The following NRXN3 variants were observed in gnomAD, a reference collection of about 807,000 sequenced individuals.
The protein encoded by NRXN3 is neurexin 3.
NRXN3 carries 32 observed loss-of-function variants against 137.6 expected under a neutral mutation model. The observed-to-expected ratio is 0.23, with a 90% CI of 0.18 to 0.31. The LOEUF (loss-of-function observed/expected upper bound fraction) is 0.31, where lower values mean the gene tolerates loss of function less well. Ranked by LOEUF, NRXN3 falls within the 10% of genes least tolerant of loss-of-function variation. The probability of loss-of-function intolerance (pLI) is 1.00; values close to 1 mark genes in which losing one functional copy is unlikely to be tolerated. For missense variants in NRXN3, 1,574 were observed against 2,062.5 expected (o/e 0.76, Z 4.59); for synonymous variants, 798 against 784.5 (o/e 1.02, Z -0.29).
rs368245400 is a variant in NRXN3 at position 78,274,165 on chromosome 14, G to A, written c.710-4480G>A. Among the ~76,000 whole-genome samples the A allele has an allele frequency of 5.3e-5, 8 of 152,204 alleles. 1 individual carries two copies. In the South Asian group the frequency reaches 1.7e-3, roughly 32 times the overall value. ...TGCAAGTGCAATAGTGGTGAATGAT[G>A]GGCCCTTTCTTTTCCTCCCAATGGT... On this transcript the variant is annotated intron_variant, in intron 2 of 20. Transcript: ENST00000335750.
At chr14:79,248,229 C>T (rs11627269) in intron 15 of NRXN3, among the ~76,000 whole-genome samples, 42,408 of 152,064 alleles carry the variant, frequency 0.28, 6,855 homozygotes, top group Admixed American at 0.43. Flanking sequence ...TATGATTTTC[C>T]AGGCCCTTCT....
At chr14:79,359,785 A>G (rs1186178235) in intron 15 of NRXN3, among the ~76,000 whole-genome samples, 1 of 152,018 alleles carries the variant, frequency 6.6e-6, no homozygotes, top group Non-Finnish European at 1.5e-5. Context: ...TGAGCAGAGC[A>G]ATAACTCTGT....
At chr14:78,813,457 T>G (rs1356303392) in intron 10 of NRXN3, among the ~76,000 whole-genome samples, 1 of 152,194 alleles carries the variant, frequency 6.6e-6, no homozygotes, top group Admixed American at 6.5e-5. Flanking sequence ...CCTTACCTCT[T>G]GCTGCTATTT....
At position 78,736,282 on chromosome 14, in the gene NRXN3, G is replaced by C. The variant is rs926860030; in HGVS notation, c.2044+21143G>C. Among the ~76,000 whole-genome samples, 12 of 152,198 alleles carry C rather than the reference G, an allele frequency of 7.9e-5. No individual in the cohort carries two copies. The South Asian group carries it at 8.3e-4, about 11-fold the overall frequency. On this transcript the variant is annotated intron_variant, in intron 8 of 20. Transcript: ENST00000335750. ...CAAGATGTAGTTAAAAGGCAAGATG[G>C]TGTGATGGATAGACTGTAGGTTTTG...
chr14:78,943,161 TAGAC>T (rs1464423524), intron 10 of NRXN3, among the ~76,000 whole-genome samples: 1 of 152,034 alleles, frequency 6.6e-6, no homozygotes, highest in African/African-American at 2.4e-5. Context: ...AGTTAAGTAA[TAGAC>T]AGGGGAAGAG....
chr14:79,381,842 G>A (rs1316127247), intron 15 of NRXN3, among the ~76,000 whole-genome samples: 1 of 152,058 alleles, frequency 6.6e-6, no homozygotes, highest in African/African-American at 2.4e-5. Flanking sequence ...CTAGCAAATG[G>A]TTTCTCCATG....
At chr14:79,451,427 TTA>T (rs1220415478) in intron 15 of NRXN3, among the ~76,000 whole-genome samples, 2 of 152,182 alleles carry the variant, frequency 1.3e-5, no homozygotes, top group Non-Finnish European at 2.9e-5. Flanking sequence ...TCCTAAAAGT[TTA>T]TGAGTTTAGG....
intron 19 of NRXN3, among the ~76,000 whole-genome samples, chr14:79,726,137 A>AT (rs969644928): frequency 1.7e-4 from 26 of 151,992 alleles, no homozygotes; most frequent in African/African-American, 2.9e-4. Context: ...ACTTAGGCTA[A>AT]TTTTTTTTGT....
At chr14:79,251,711 C>T (rs745406879) in intron 15 of NRXN3, among the ~76,000 whole-genome samples, 18 of 152,114 alleles carry the variant, frequency 1.2e-4, no homozygotes, top group African/African-American at 2.9e-4. Flanking sequence ...TTTTAAGTGA[C>T]GGGTGATAGG....
intron 16 of NRXN3, among the ~76,000 whole-genome samples, chr14:79,550,880 A>G (rs1454780929): frequency 1.3e-5 from 2 of 152,230 alleles, no homozygotes; most frequent in Admixed American, 6.5e-5. Context: ...TAATATTTAT[A>G]AAGCATTTAA....
chr14:78,434,036 C>G (rs2093979872), intron 4 of NRXN3, among the ~76,000 whole-genome samples: 1 of 152,186 alleles, frequency 6.6e-6, no homozygotes, highest in Non-Finnish European at 1.5e-5. Flanking sequence ...TAAACATGCT[C>G]AGAACCCTTA....
intron 1 of NRXN3, among the ~76,000 whole-genome samples, chr14:78,182,348 G>A (rs961004219): frequency 9.2e-5 from 14 of 152,126 alleles, no homozygotes; most frequent in African/African-American, 2.9e-4. Flanking sequence ...CCACCGAGAT[G>A]TTTTTGCTGA....
intron 4 of NRXN3, among the ~76,000 whole-genome samples, chr14:78,516,719 G>C (rs1439886305): frequency 6.6e-6 from 1 of 152,100 alleles, no homozygotes; most frequent in Non-Finnish European, 1.5e-5. Flanking sequence ...CAAATGCCTA[G>C]TTGAGTTCTC....
chr14:79,419,606 G>T (rs1029015765), intron 15 of NRXN3, among the ~76,000 whole-genome samples: 7 of 151,720 alleles, frequency 4.6e-5, no homozygotes, highest in Non-Finnish European at 8.8e-5. Context: ...TTTAAAGAGG[G>T]GAGAGAGAGA....
At chr14:78,398,514 A>T (rs2091739341) in intron 4 of NRXN3, among the ~76,000 whole-genome samples, 1 of 152,116 alleles carries the variant, frequency 6.6e-6, no homozygotes, top group South Asian at 2.1e-4. Context: ...ATATTGACAC[A>T]TGAGGGTGGG....
chr14:78,725,691 G>A (rs2098479813), intron 8 of NRXN3, among the ~76,000 whole-genome samples: 2 of 152,160 alleles, frequency 1.3e-5, no homozygotes, highest in Non-Finnish European at 2.9e-5. Context: ...ATTGTGGGGG[G>A]TGACTCTTTT....
chr14:78,886,904 A>G (rs2099145469), intron 10 of NRXN3, among the ~76,000 whole-genome samples: 1 of 152,150 alleles, frequency 6.6e-6, no homozygotes, highest in African/African-American at 2.4e-5. Flanking sequence ...GCTGTGAATC[A>G]TACCATAACC....
chr14:78,839,784 C>A (rs1435960347), intron 10 of NRXN3, among the ~76,000 whole-genome samples: 1 of 152,164 alleles, frequency 6.6e-6, no homozygotes, highest in Non-Finnish European at 1.5e-5. Context: ...CTGGAGGGTT[C>A]CACAAGAATA....
intron 15 of NRXN3, among the ~76,000 whole-genome samples, chr14:78,992,001 A>G (rs1026495194): frequency 3.3e-5 from 5 of 152,192 alleles, no homozygotes; most frequent in African/African-American, 1.2e-4. Context: ...CAAAGCTGAT[A>G]TTCTTTAGAG....
Sources: allele counts gnomAD v4.1 joint callset (sites outside exome capture counted in the v4.1 genomes callset), GRCh38; gene constraint gnomAD v4.1.1; transcripts MANE v1.5; gene names NCBI Gene and HGNC (gene_info 2026-07-23, HGNC 2026-07-21).